The following SSB variants were observed in gnomAD, a reference collection of about 807,000 sequenced individuals.
SSB encodes the protein small RNA binding exonuclease protection factor La.
In SSB, 17 loss-of-function variants were observed where a neutral mutation model predicts 52.9. The ratio of observed to expected loss-of-function variants is 0.32; its 90% confidence interval spans 0.22 to 0.48. The LOEUF (loss-of-function observed/expected upper bound fraction) is 0.48. Ranked by LOEUF, SSB falls within the 20% of genes least tolerant of loss-of-function variation. The probability of loss-of-function intolerance (pLI) is 0.99; values close to 1 mark genes in which losing one functional copy is unlikely to be tolerated. For missense variants in SSB, 314 were observed against 463.6 expected (o/e 0.68, Z 2.96); for synonymous variants, 111 against 152.1 (o/e 0.73, Z 1.99).
rs1689931216 is a variant in SSB, at chr2:169,810,679, T to A, written c.811-179T>A. The A allele has an allele frequency of 1.9e-5, 13 of 681,970 alleles. No individual in the cohort carries two copies. In the South Asian group the frequency reaches 2.3e-4, roughly 12 times the overall value. The allele number at this position is 681,970 out of a possible 1,614,324, so 42.2% of individuals were successfully genotyped here. ...TCTGAATTATACTATGAATAACTGT[T>A]CATACTGATGATTGCAGTTTTACTT... On this transcript the variant is annotated intron_variant, in intron 9 of 11. Coordinates refer to ENST00000260956, the MANE Select transcript of SSB (RefSeq NM_003142.5).
chr2:169,802,892 A>G (rs1689740175), intron 2 of SSB, among the ~76,000 whole-genome samples: 1 of 152,176 alleles, frequency 6.6e-6, no homozygotes, highest in Admixed American at 6.5e-5. Context: ...GTAATCAATA[A>G]TCTTTTCATT....
Position 169,811,742 on chromosome 2 carries a change from G to C in SSB, c.1213G>C (p.Ala405Pro), listed in dbSNP as rs1689962167. Residue 405 changes from alanine to proline, a missense_variant, in exon 12 of 12, where the codon GCT becomes CCT. Coordinates refer to ENST00000260956, the MANE Select transcript of SSB (RefSeq NM_003142.5). ...ASKQQKTENG[A>P]GDQ ...CAAACAACAGAAAACAGAAAATGGTGCTGGAGACCAGTAGTTTAGTAAACC... is the reference window on the plus strand; with the variant it reads ...CAAACAACAGAAAACAGAAAATGGTCCTGGAGACCAGTAGTTTAGTAAACC... 1 of 1,613,424 alleles carries C rather than the reference G, an allele frequency of 6.2e-7. No individual in the cohort carries two copies. The highest frequency in any genetic ancestry group is 1.7e-5 in the Admixed American group (1 of 59,924).
intron 2 of SSB, among the ~76,000 whole-genome samples, chr2:169,802,106 G>T (rs558176597): frequency 6.6e-6 from 1 of 152,082 alleles, no homozygotes; most frequent in East Asian, 1.9e-4. Context: ...GATTGATGGA[G>T]CCCAGAAGGT....
At chr2:169,807,855 A>G (rs982432449) in intron 6 of SSB, among the ~76,000 whole-genome samples, 2 of 147,860 alleles carry the variant, frequency 1.4e-5, no homozygotes, top group Non-Finnish European at 3.0e-5. Flanking sequence ...CATTTTCATG[A>G]TAAAATTAGG....
At chr2:169,805,445 T>G (rs778522377) in intron 2 of SSB, 29 bp from the exon 3 acceptor site, 1 of 1,517,090 alleles carries the variant, frequency 6.6e-7, no homozygotes, top group African/African-American at 1.4e-5. Context: ...TTATACAGTG[T>G]TCTGAAATAC....
Position 169,808,474 on chromosome 2 carries a change from T to G in SSB, c.555-8T>G, listed in dbSNP as rs376169089. The G allele has an allele frequency of 1.2e-6, 2 of 1,612,326 alleles. No individual in the cohort carries two copies. The highest frequency in any genetic ancestry group is 2.7e-5 in the African/African-American group (2 of 74,902). On this transcript the variant is annotated splice_polypyrimidine_tract_variant and splice_region_variant and intron_variant, in intron 6 of 11. Transcript: ENST00000260956. ...GTGAACTTAGCCTCTGTACTGTGTG[T>G]TCTTTAGGGACGATTACTTTGCCAA...
At chr2:169,811,556 C>T in intron 11 of SSB, 112 bp from the exon 12 acceptor site, 2 of 1,432,592 alleles carry the variant, frequency 1.4e-6, no homozygotes, top group Non-Finnish European at 1.9e-6. Flanking sequence ...CTCATTGGTG[C>T]AAGGAAGTTG....
Position 169,811,699 on chromosome 2 carries a change from CAA to C in SSB, c.1172_1173del (p.Lys391ArgfsTer20), listed in dbSNP as rs747096404. 17 of 1,613,058 alleles carry C rather than the reference CAA, an allele frequency of 1.1e-5. No individual in the cohort carries two copies. The South Asian group carries it at 1.8e-4, about 17-fold the overall frequency. On this transcript the variant is annotated frameshift_variant, in exon 12 of 12. Transcript: ENST00000260956. LOFTEE classifies it high-confidence loss of function. ...PVKRAREETD[K>X]EEPASKQQKT... is the part of the protein sequence containing the mutation. ...TGAAAAGAGCAAGAGAAGAAACAGACAAAGAAGAACCTGCATCCAAACAACAG... is the reference window on the plus strand; with the variant it reads ...TGAAAAGAGCAAGAGAAGAAACAGACAGAAGAACCTGCATCCAAACAACAG...
Position 169,811,672 on chromosome 2 carries a change from T to C in SSB, c.1143T>C (p.Pro381=). 2 of 1,611,178 alleles carry C rather than the reference T, an allele frequency of 1.2e-6. No homozygotes were observed. Among genetic ancestry groups the C allele is most frequent in the Non-Finnish European group, 1.7e-6 (2 of 1,179,102 alleles). The change falls in exon 12 of 12, where the codon CCT becomes CCC. Residue 381 remains proline, a synonymous_variant. Coordinates refer to ENST00000260956, the MANE Select transcript of SSB (RefSeq NM_003142.5). The part of the protein sequence containing the change: ...DEHDENGATG[P]VKRAREETDK... The stretch of plus-strand genomic sequence containing the variant: ...AAATTAATTGTTACGTTATAGGACC[T>C]GTGAAAAGAGCAAGAGAAGAAACAG...
chr2:169,808,157 T>C (rs1039178641), intron 6 of SSB, among the ~76,000 whole-genome samples: 1 of 152,160 alleles, frequency 6.6e-6, no homozygotes, highest in Non-Finnish European at 1.5e-5. Context: ...AAATTGCTAA[T>C]GGATAGGGGG....
chr2:169,807,225 A>G (rs886989126), intron 6 of SSB, among the ~76,000 whole-genome samples, 154 bp downstream of exon 6: 2 of 152,182 alleles, frequency 1.3e-5, no homozygotes, highest in African/African-American at 2.4e-5. Flanking sequence ...AGTGAGAACT[A>G]TAGTCTTTTG....
At chr2:169,805,442 G>A in intron 2 of SSB, 32 bp from the exon 3 acceptor site, 1 of 1,481,962 alleles carries the variant, frequency 6.7e-7, no homozygotes, top group Non-Finnish European at 9.4e-7. Context: ...ATATTATACA[G>A]TGTTCTGAAA....
chr2:169,800,760 A>AT (rs926427522), intron 1 of SSB, among the ~76,000 whole-genome samples, 192 bp from the exon 2 acceptor site: 22 of 152,206 alleles, frequency 1.4e-4, no homozygotes, highest in African/African-American at 3.9e-4. Context: ...TAGTTTTTAG[A>AT]TTTTTTCATC....
rs186037502 is a variant in SSB, at chr2:169,806,116, G to A, written c.345+277G>A. The A allele has an allele frequency of 2.3e-3, 912 of 397,632 alleles. 8 individuals are homozygous for A. Among genetic ancestry groups the A allele is most frequent in the Non-Finnish European group, 1.5e-3 (319 of 209,482 alleles). 24.6% of individuals were successfully genotyped at this position (397,632 alleles called of 1,614,324 possible). On this transcript the variant is annotated intron_variant, in intron 4 of 11. Coordinates refer to ENST00000260956, the MANE Select transcript of SSB (RefSeq NM_003142.5). ...CTCCTGAGTAGCTGGGACTACAGGT[G>A]CATGCTACCATGCCTGGCAAAAAAT...
chr2:169,804,991 G>A (rs565978267), intron 2 of SSB, among the ~76,000 whole-genome samples: 10 of 152,204 alleles, frequency 6.6e-5, no homozygotes, highest in East Asian at 1.9e-4. Context: ...TTCGCTGGGC[G>A]TGGTGGTACA....
chr2:169,800,861 A>T, intron 1 of SSB, 91 bp from the exon 2 acceptor site: 1 of 920,636 alleles, frequency 1.1e-6, no homozygotes, highest in Non-Finnish European at 1.5e-6. Context: ...TTTTTTAAGA[A>T]AACGGGATAT....
chr2:169,802,058 AC>A (rs1689723575), intron 2 of SSB, among the ~76,000 whole-genome samples: 1 of 151,972 alleles, frequency 6.6e-6, no homozygotes, highest in Non-Finnish European at 1.5e-5. Context: ...TTAGCAGTTT[AC>A]CTGTAGTCCT....
chr2:169,799,948 A>G (rs76251237), intron 1 of SSB, among the ~76,000 whole-genome samples: 2 of 152,234 alleles, frequency 1.3e-5, no homozygotes, highest in Non-Finnish European at 2.9e-5. Context: ...GTACTTTGTA[A>G]GTAGAAGACT....
chr2:169,803,719 G>A (rs895604700), intron 2 of SSB, among the ~76,000 whole-genome samples: 4 of 151,724 alleles, frequency 2.6e-5, no homozygotes, highest in Non-Finnish European at 2.9e-5. Flanking sequence ...AGCAAGACCC[G>A]ATCCCTGAAA....
Sources: gnomAD v4.1 joint callset for allele counts (sites outside exome capture counted in the v4.1 genomes callset) on GRCh38, gnomAD v4.1.1 for gene constraint, MANE v1.5 for transcripts, NCBI Gene and HGNC (gene_info 2026-07-23, HGNC 2026-07-21) for gene names.